Variants in NRXN3 observed in about 807,000 individuals in gnomAD.
NRXN3 encodes neurexin III.
In NRXN3, 32 loss-of-function variants were observed where a neutral mutation model predicts 137.6. The observed-to-expected ratio is 0.23, with a 90% CI of 0.18 to 0.31. NRXN3 has a LOEUF of 0.31. Ranked by LOEUF, NRXN3 falls within the 10% of genes least tolerant of loss-of-function variation. NRXN3 has a pLI of 1.00. For missense variants in NRXN3, 1,574 were observed against 2,062.5 expected, an observed-to-expected ratio of 0.76 and a Z score of 4.59; for synonymous variants, 798 against 784.5, an observed-to-expected ratio of 1.02 and a Z score of -0.29.
At chr14:79,614,682 G>C (rs1408642941) in intron 16 of NRXN3, among the ~76,000 whole-genome samples, 1 of 152,034 alleles carries the variant, frequency 6.6e-6, no homozygotes, top group Non-Finnish European at 1.5e-5. Context: ...CAGCCTAATT[G>C]CTTCTCCTGT....
intron 10 of NRXN3, among the ~76,000 whole-genome samples, chr14:78,922,488 C>A (rs74349945): frequency 6.6e-6 from 1 of 152,110 alleles, no homozygotes; most frequent in East Asian, 1.9e-4. Context: ...ATCAAGTTTA[C>A]GCTGTGTATG....
intron 15 of NRXN3, among the ~76,000 whole-genome samples, chr14:79,429,212 A>T (rs1185532947): frequency 6.6e-6 from 1 of 152,186 alleles, no homozygotes; most frequent in Non-Finnish European, 1.5e-5. Flanking sequence ...GGTGTTTTTG[A>T]GAAATCGATT....
intron 4 of NRXN3, among the ~76,000 whole-genome samples, chr14:78,516,571 G>A (rs1373319751): frequency 6.6e-6 from 1 of 151,524 alleles, no homozygotes; most frequent in African/African-American, 2.4e-5. Context: ...TTTTCTGCTT[G>A]GGTGTTGGTG....
intron 17 of NRXN3, among the ~76,000 whole-genome samples, chr14:79,674,927 A>G (rs973697292): frequency 6.6e-6 from 1 of 152,134 alleles, no homozygotes; most frequent in Non-Finnish European, 1.5e-5. Context: ...GGATGAGGGT[A>G]TTACAACCTA....
chr14:79,120,887 T>G (rs567791634), intron 15 of NRXN3, among the ~76,000 whole-genome samples: 2 of 152,172 alleles, frequency 1.3e-5, no homozygotes, highest in Non-Finnish European at 2.9e-5. Context: ...TTGCTTTTTG[T>G]GTCCATACTT....
At chr14:78,951,563 C>T (rs11159389) in intron 10 of NRXN3, among the ~76,000 whole-genome samples, 19,314 of 152,024 alleles carry the variant, frequency 0.13, 2,532 homozygotes, top group East Asian at 0.43. Context: ...ATTACCCTGC[C>T]TTATTTTAGA....
At chr14:79,139,343 C>G (rs1458969390) in intron 15 of NRXN3, among the ~76,000 whole-genome samples, 1 of 152,090 alleles carries the variant, frequency 6.6e-6, no homozygotes, top group Non-Finnish European at 1.5e-5. Flanking sequence ...TCAACAGAGA[C>G]CTGTGTATCT....
intron 19 of NRXN3, among the ~76,000 whole-genome samples, chr14:79,726,925 T>C (rs1297837150): frequency 6.6e-6 from 1 of 152,174 alleles, no homozygotes; most frequent in Non-Finnish European, 1.5e-5. Context: ...TGTCCAATTC[T>C]AACATCAAGG....
intron 8 of NRXN3, among the ~76,000 whole-genome samples, chr14:78,778,758 C>CTTTCTTTCTTTCTT (rs1555489894): frequency 2.1e-5 from 2 of 97,124 alleles, no homozygotes; most frequent in African/African-American, 8.2e-5. Context: ...TTCCTTCTTT[C>CTTTCTTTCTTTCTT]TCTTTCTTTC....
intron 2 of NRXN3, among the ~76,000 whole-genome samples, chr14:78,247,137 C>G (rs553970763): frequency 5.3e-5 from 8 of 152,184 alleles, no homozygotes; most frequent in Admixed American, 2.0e-4. Context: ...CTCCAGCCCC[C>G]CTGCGGTGTT....
intron 15 of NRXN3, among the ~76,000 whole-genome samples, chr14:79,048,663 T>C (rs1023085081): frequency 7.3e-5 from 11 of 151,434 alleles, no homozygotes; most frequent in African/African-American, 2.2e-4. Context: ...GGGAGGGTCT[T>C]GCTTGGATGT....
chr14:78,723,218 G>A (rs2098467980), intron 8 of NRXN3, among the ~76,000 whole-genome samples: 1 of 152,134 alleles, frequency 6.6e-6, no homozygotes. Flanking sequence ...ACAGAAGACA[G>A]GAGACCAACA....
intron 4 of NRXN3, among the ~76,000 whole-genome samples, chr14:78,585,546 ATT>A (rs1566817468): frequency 6.6e-6 from 1 of 152,116 alleles, no homozygotes; most frequent in South Asian, 2.1e-4. Flanking sequence ...TTAGGAGACT[ATT>A]GTCATAATCC....
intron 4 of NRXN3, among the ~76,000 whole-genome samples, chr14:78,414,602 G>A (rs1444717454): frequency 6.6e-6 from 1 of 152,148 alleles, no homozygotes; most frequent in Non-Finnish European, 1.5e-5. Flanking sequence ...AGTGCCAGGG[G>A]ATTTACTTGT....
intron 4 of NRXN3, among the ~76,000 whole-genome samples, chr14:78,323,613 G>A (rs963074917): frequency 5.6e-4 from 85 of 152,036 alleles, no homozygotes; most frequent in African/African-American, 2.0e-3. Flanking sequence ...GGAATAGATC[G>A]ATGGATAGGT....
At chr14:79,840,851 G>C (rs951950009) in intron 20 of NRXN3, among the ~76,000 whole-genome samples, 1 of 151,970 alleles carries the variant, frequency 6.6e-6, no homozygotes, top group Non-Finnish European at 1.5e-5. Flanking sequence ...TCCTTTCTCT[G>C]TCCTCATATT....
At chr14:79,251,870 A>G (rs1404385983) in intron 15 of NRXN3, among the ~76,000 whole-genome samples, 2 of 151,044 alleles carry the variant, frequency 1.3e-5, no homozygotes, top group Non-Finnish European at 2.9e-5. Flanking sequence ...CCAGGCTAGA[A>G]TGCAGTGGCA....
At chr14:78,896,632 A>G (rs993673703) in intron 10 of NRXN3, among the ~76,000 whole-genome samples, 5 of 151,900 alleles carry the variant, frequency 3.3e-5, no homozygotes, top group Non-Finnish European at 7.4e-5. Context: ...GGGTAATAGG[A>G]GCTTTTATAG....
intron 16 of NRXN3, among the ~76,000 whole-genome samples, chr14:79,499,473 T>C (rs2096798451): frequency 6.6e-6 from 1 of 152,198 alleles, no homozygotes; most frequent in Non-Finnish European, 1.5e-5. Flanking sequence ...CTGTCCCACA[T>C]CTCTTCATTC....
Sources: allele counts gnomAD v4.1 joint callset (sites outside exome capture counted in the v4.1 genomes callset), GRCh38; gene constraint gnomAD v4.1.1; transcripts MANE v1.5; gene names NCBI Gene and HGNC (gene_info 2026-07-23, HGNC 2026-07-21).